Variants in FHIT observed in about 807,000 individuals in gnomAD.
FHIT encodes bis(5'-adenosyl)-triphosphatase.
FHIT carries 19 observed loss-of-function variants against 17.9 expected under a neutral mutation model. The ratio of observed to expected loss-of-function variants is 1.06; its 90% CI spans 0.74 to 1.56. The LOEUF (loss-of-function observed/expected upper bound fraction) is 1.56, where lower values mean the gene tolerates loss of function less well. Among genes scored for constraint, FHIT ranks in the 40% most tolerant of loss-of-function variants. FHIT has a pLI of 0.00. For missense variants in FHIT, 248 were observed against 189.2 expected (o/e 1.31, Z -1.82); for synonymous variants, 81 against 69.7 (o/e 1.16, Z -0.81).
In FHIT at chr3:60,040,157, A is replaced by ATTTAT. The variant is rs1553659865; in HGVS notation, c.104-26006_104-26005insATAAA. Among the ~76,000 whole-genome samples the ATTTAT allele has an allele frequency of 6.9e-3, 1,046 of 151,628 alleles. 3 individuals carry two copies. Among genetic ancestry groups the ATTTAT allele is most frequent in the Non-Finnish European group, 0.012 (792 of 67,898 alleles). ...CTTCTTTCTTTTTATTTATTTATTT[A>ATTTAT]TTTTTTTGAGACAGAGTCTTGCTCT... On this transcript the variant is annotated intron_variant, in intron 5 of 9. Coordinates refer to ENST00000492590, the MANE Select transcript of FHIT (RefSeq NM_002012.4).
chr3:60,553,333 T>C (rs2036621278), intron 4 of FHIT: 3 of 878,942 alleles, frequency 3.4e-6, no homozygotes, highest in Non-Finnish European at 4.1e-6. Context: ...AACCTACCTA[T>C]GACTCAAGTG....
intron 5 of FHIT, among the ~76,000 whole-genome samples, chr3:60,235,971 T>G (rs2107562546): frequency 6.6e-6 from 1 of 152,198 alleles, no homozygotes; most frequent in South Asian, 2.1e-4. Context: ...CCCAGAGGAC[T>G]TCTTGTATTT....
chr3:61,160,860 T>C (rs1405923284), intron 2 of FHIT, among the ~76,000 whole-genome samples: 3 of 152,234 alleles, frequency 2.0e-5, no homozygotes, highest in Admixed American at 2.0e-4. Flanking sequence ...ATAAAAGCTT[T>C]GCTTGAAAGA....
intron 3 of FHIT, among the ~76,000 whole-genome samples, chr3:60,911,661 G>T (rs1267945051): frequency 6.6e-6 from 1 of 152,176 alleles, no homozygotes; most frequent in Non-Finnish European, 1.5e-5. Flanking sequence ...GCCAGCAAGT[G>T]AAGAGATGTC....
At chr3:60,117,212 C>G in intron 5 of FHIT, among the ~76,000 whole-genome samples, 1 of 133,842 alleles carries the variant, frequency 7.5e-6, no homozygotes. Context: ...ATTATTTCTT[C>G]CCCGGCCTGG....
At chr3:61,150,918 A>T (rs1304411883) in intron 2 of FHIT, among the ~76,000 whole-genome samples, 1 of 152,244 alleles carries the variant, frequency 6.6e-6, no homozygotes. Context: ...ATGAAAGTCA[A>T]GGATACCACC....
At chr3:61,214,436 AC>A (rs2039600279) in intron 1 of FHIT, among the ~76,000 whole-genome samples, 1 of 152,112 alleles carries the variant, frequency 6.6e-6, no homozygotes, top group Admixed American at 6.6e-5. Flanking sequence ...CGACACATAC[AC>A]CCTCCCAAGA....
At chr3:59,843,433 C>A (rs114133666) in intron 8 of FHIT, among the ~76,000 whole-genome samples, 1 of 152,046 alleles carries the variant, frequency 6.6e-6, no homozygotes, top group Admixed American at 6.6e-5. Flanking sequence ...TTCAGGATGG[C>A]TTTTTGTATG....
intron 4 of FHIT, among the ~76,000 whole-genome samples, chr3:60,765,776 G>C (rs1559705037): frequency 6.6e-6 from 1 of 152,238 alleles, no homozygotes; most frequent in Non-Finnish European, 1.5e-5. Flanking sequence ...TTCAGTGTGG[G>C]TGGGTACCAT....
At chr3:60,030,895 G>GA (rs1160058856) in intron 5 of FHIT, among the ~76,000 whole-genome samples, 1 of 152,058 alleles carries the variant, frequency 6.6e-6, no homozygotes, top group Non-Finnish European at 1.5e-5. Flanking sequence ...GTAGAGAGTA[G>GA]AAAAAATAAC....
intron 2 of FHIT, among the ~76,000 whole-genome samples, chr3:61,052,583 A>C (rs1218370535): frequency 6.6e-6 from 1 of 152,236 alleles, no homozygotes; most frequent in African/African-American, 2.4e-5. Flanking sequence ...CTGGGGAATA[A>C]AGGCATTCAA....
At chr3:60,439,497 C>A (rs997265992) in intron 5 of FHIT, among the ~76,000 whole-genome samples, 2 of 152,006 alleles carry the variant, frequency 1.3e-5, no homozygotes, top group East Asian at 3.9e-4. Flanking sequence ...ACTTCAGAAC[C>A]CTGCTTTTAG....
At chr3:60,645,859 G>A (rs1487144890) in intron 4 of FHIT, among the ~76,000 whole-genome samples, 1 of 152,124 alleles carries the variant, frequency 6.6e-6, no homozygotes, top group Admixed American at 6.5e-5. Flanking sequence ...TGCTGATTTG[G>A]TTATAAATGA....
At chr3:61,146,389 A>C (rs578207633) in intron 2 of FHIT, among the ~76,000 whole-genome samples, 6 of 152,178 alleles carry the variant, frequency 3.9e-5, no homozygotes, top group African/African-American at 1.4e-4. Context: ...TTAGTGCACA[A>C]TATGGTTATT....
chr3:61,161,717 C>T (rs2037700667), intron 2 of FHIT, among the ~76,000 whole-genome samples: 1 of 152,174 alleles, frequency 6.6e-6, no homozygotes, highest in South Asian at 2.1e-4. Flanking sequence ...AGAAGTCAGA[C>T]ACATTTGCAC....
chr3:59,970,162 G>C (rs9881224), intron 7 of FHIT, among the ~76,000 whole-genome samples: 2,106 of 152,190 alleles, frequency 0.014, 63 homozygotes, highest in African/African-American at 0.048. Flanking sequence ...TGAACAGATG[G>C]TCTTTTCAAG....
intron 4 of FHIT, among the ~76,000 whole-genome samples, chr3:60,679,157 T>A (rs1338025933): frequency 2.0e-5 from 3 of 152,128 alleles, no homozygotes; most frequent in Admixed American, 6.5e-5. Flanking sequence ...TTGCAGACCC[T>A]TTAAATGCTT....
intron 2 of FHIT, among the ~76,000 whole-genome samples, chr3:61,184,476 G>C (rs559261692): frequency 6.6e-6 from 1 of 152,242 alleles, no homozygotes; most frequent in South Asian, 2.1e-4. Context: ...AGGAGCACGG[G>C]ATCAAAATTT....
intron 5 of FHIT, among the ~76,000 whole-genome samples, chr3:60,384,661 G>A (rs1700936537): frequency 6.6e-6 from 1 of 151,736 alleles, no homozygotes; most frequent in Admixed American, 6.6e-5. Flanking sequence ...AACTGCCAAG[G>A]GCCAACCCCA....
Sources: gnomAD v4.1 joint callset for allele counts (sites outside exome capture counted in the v4.1 genomes callset) on GRCh38, gnomAD v4.1.1 for gene constraint, MANE v1.5 for transcripts, NCBI Gene and HGNC (gene_info 2026-07-23, HGNC 2026-07-21) for gene names.